Variants in PYGO1 observed in about 807,000 individuals in gnomAD.
The protein encoded by PYGO1 is pygopus family PHD finger 1, also known as pygopus homolog 1.
Under a neutral mutation model 29.5 loss-of-function variants are expected in PYGO1, and 6 were observed. The ratio of observed to expected loss-of-function variants is 0.20; its 90% confidence interval spans 0.11 to 0.40. The LOEUF is 0.40. PYGO1 is among the 10% of genes least tolerant of loss of function. PYGO1 has a pLI of 1.00. For missense variants in PYGO1, 515 were observed against 514.9 expected (o/e 1.00, Z 0.00); for synonymous variants, 186 against 180.5 (o/e 1.03, Z -0.24).
At chr15:55,586,383 G>A (rs750475113) in intron 1 of PYGO1, among the ~76,000 whole-genome samples, 1 of 152,160 alleles carries the variant, frequency 6.6e-6, no homozygotes, top group Admixed American at 6.6e-5. Context: ...TTTTCTCAGA[G>A]TAAAAGCCAA....
intron 1 of PYGO1, among the ~76,000 whole-genome samples, chr15:55,584,722 T>TA (rs2059039583): frequency 1.3e-5 from 2 of 152,210 alleles, no homozygotes; most frequent in Non-Finnish European, 2.9e-5. Context: ...CCTGTCCTCA[T>TA]AGATCTGTCT....
At chr15:55,574,257 AC>A (rs113610064) in intron 1 of PYGO1, among the ~76,000 whole-genome samples, 84 of 152,356 alleles carry the variant, frequency 5.5e-4, no homozygotes, top group African/African-American at 1.9e-3. Flanking sequence ...GATACTTGCA[AC>A]ATTTGACCTC....
At chr15:55,577,436 T>A (rs905330438) in intron 1 of PYGO1, among the ~76,000 whole-genome samples, 4 of 152,134 alleles carry the variant, frequency 2.6e-5, no homozygotes, top group African/African-American at 4.8e-5. Flanking sequence ...ATGCTTAACC[T>A]TGGCAAAATA....
At position 55,540,136 on chromosome 15, in the gene PYGO1, A is replaced by G. The variant is rs2058822918; in HGVS notation, c.*5887T>C. The G allele has an allele frequency of 6.6e-6, 1 of 152,122 alleles. No individual in the cohort carries two copies. The highest frequency in any genetic ancestry group is 1.5e-5 in the Non-Finnish European group (1 of 67,942). The allele number at this position is 152,122 out of a possible 1,614,324, so 9.4% of individuals were successfully genotyped here. On this transcript the variant is annotated 3_prime_UTR_variant, in exon 3 of 3. Coordinates refer to ENST00000563719, the MANE Select transcript of PYGO1 (RefSeq NM_001367806.1). ...GCTTAAAAATTTGCCTTCAAGATGAAACATTTTTCTTTAAAATCGTGATTA... is the reference window on the plus strand; with the variant it reads ...GCTTAAAAATTTGCCTTCAAGATGAGACATTTTTCTTTAAAATCGTGATTA...
chr15:55,579,515 ATTC>A (rs2059017343), intron 1 of PYGO1, among the ~76,000 whole-genome samples: 1 of 152,028 alleles, frequency 6.6e-6, no homozygotes, highest in South Asian at 2.1e-4. Context: ...TACTCATAAA[ATTC>A]TTTTTTATTT....
In PYGO1 at chr15:55,541,925, C is replaced by T. The variant is rs959222371; in HGVS notation, c.*4098G>A. The T allele has an allele frequency of 5.9e-5, 9 of 152,244 alleles. No individual in the cohort carries two copies. The highest frequency in any genetic ancestry group is 6.8e-3 in the Middle Eastern group (2 of 294). 9.4% of individuals were successfully genotyped at this position (152,244 alleles called of 1,614,324 possible). ...TAACTAGATTATGGTCTAAATGAGC[C>T]TTTAGGAGCTTCCCTATTGTGTAGA... On this transcript the variant is annotated 3_prime_UTR_variant, in exon 3 of 3. Coordinates refer to ENST00000563719, the MANE Select transcript of PYGO1 (RefSeq NM_001367806.1).
chr15:55,562,512 A>C (rs1171856783), intron 1 of PYGO1, among the ~76,000 whole-genome samples: 1 of 152,066 alleles, frequency 6.6e-6, no homozygotes, highest in Non-Finnish European at 1.5e-5. Flanking sequence ...TCTTTACAAA[A>C]ATACAAAAAT....
rs2059056965 is a variant in PYGO1 at position 55,588,049 on chromosome 15, G to A, written c.-166C>T. ...GACGCGGGCCGACTTTGCAAAGTTT[G>A]GGAGGAGGACGAGGCCTCGGGGCGG... On this transcript the variant is annotated 5_prime_UTR_variant, in exon 1 of 3. Coordinates refer to ENST00000563719, the MANE Select transcript of PYGO1 (RefSeq NM_001367806.1). 1 of 1,187,618 alleles carries A rather than the reference G, an allele frequency of 8.4e-7. No individual in the cohort carries two copies. The highest frequency in any genetic ancestry group is 1.0e-6 in the Non-Finnish European group (1 of 958,056). The allele number at this position is 1,187,618 out of a possible 1,614,324, so 73.6% of individuals were successfully genotyped here.
chr15:55,586,166 T>G (rs1183234510), intron 1 of PYGO1, among the ~76,000 whole-genome samples: 5 of 152,192 alleles, frequency 3.3e-5, no homozygotes, highest in African/African-American at 4.8e-5. Context: ...CTACATCACT[T>G]AAGTCAGCCG....
Position 55,568,320 on chromosome 15 carries a change from CTGTG to C in PYGO1, c.50-19329_50-19326del, listed in dbSNP as rs58177433. Among the ~76,000 whole-genome samples the C allele has an allele frequency of 3.7e-3, 464 of 125,902 alleles. 1 individual carries two copies. Among genetic ancestry groups the C allele is most frequent in the South Asian group, 7.3e-3 (24 of 3,284 alleles). The allele number at this position is 125,902 out of a possible 152,430, so 82.6% of individuals were successfully genotyped here. Reference sequence around the variant, plus strand: ...ATGGTTAAGACGTATTTCCTAGGTACTGTGTGTGTGTGTGTGTGTGTGTGTGTGT... The same window carrying C: ...ATGGTTAAGACGTATTTCCTAGGTACTGTGTGTGTGTGTGTGTGTGTGTGT... On this transcript the variant is annotated intron_variant, in intron 1 of 2. Coordinates refer to ENST00000563719, the MANE Select transcript of PYGO1 (RefSeq NM_001367806.1).
chr15:55,579,023 T>TATATA (rs1320734539), intron 1 of PYGO1, among the ~76,000 whole-genome samples: 4 of 152,228 alleles, frequency 2.6e-5, no homozygotes, highest in Non-Finnish European at 5.9e-5. Flanking sequence ...TATATTTTAA[T>TATATA]TTTAATTTGA....
rs1222875697 is a variant in PYGO1 at position 55,539,061 on chromosome 15, T to C, written c.*6962A>G. ...ACAACGCACAAATAACATTAAGCAT[T>C]ATCCCTGAAAAGAATGGCCAACAAT... On this transcript the variant is annotated 3_prime_UTR_variant, in exon 3 of 3. Transcript: ENST00000563719. 1 of 152,186 alleles carries C rather than the reference T, an allele frequency of 6.6e-6. No homozygotes were observed. Among genetic ancestry groups the C allele is most frequent in the Non-Finnish European group, 1.5e-5 (1 of 68,038 alleles). The allele number at this position is 152,186 out of a possible 1,614,324, so 9.4% of individuals were successfully genotyped here.
At chr15:55,550,227 G>C (rs2058873035) in intron 1 of PYGO1, among the ~76,000 whole-genome samples, 1 of 152,090 alleles carries the variant, frequency 6.6e-6, no homozygotes, top group Non-Finnish European at 1.5e-5. Context: ...AACTGAACCA[G>C]GCTGATTATT....
intron 1 of PYGO1, among the ~76,000 whole-genome samples, chr15:55,570,524 TA>T (rs11409320): frequency 0.1 from 15,297 of 148,894 alleles, 1,485 homozygotes; most frequent in African/African-American, 0.25. Flanking sequence ...TTTCATATAC[TA>T]AAAAAAAAAA....
intron 1 of PYGO1, among the ~76,000 whole-genome samples, chr15:55,565,658 T>C (rs1241047109): frequency 6.6e-6 from 1 of 152,040 alleles, no homozygotes; most frequent in East Asian, 1.9e-4. Flanking sequence ...GTGCTTGCAG[T>C]GAGCCAAGAT....
intron 1 of PYGO1, among the ~76,000 whole-genome samples, chr15:55,563,892 A>AAAGAC (rs2058943936): frequency 6.6e-6 from 1 of 152,238 alleles, no homozygotes; most frequent in African/African-American, 2.4e-5. Context: ...CTGTAATCAA[A>AAAGAC]AAGACAAATA....
At chr15:55,573,175 A>G (rs1473771981) in intron 1 of PYGO1, among the ~76,000 whole-genome samples, 4 of 152,094 alleles carry the variant, frequency 2.6e-5, no homozygotes, top group Admixed American at 6.5e-5. Flanking sequence ...GCGTGGTAGC[A>G]GGCACCTGCA....
rs774574545 is a variant in PYGO1, at chr15:55,548,961, T to G, written c.84A>C (p.Pro28=). ...TATCTGGGCTTCCTAGTTGTACACC[T>G]GGTCCTCCTAACCCATCCAGTCCAC... ...GDSGLDGLGG[P]GVQLGSPDKK... Residue 28 remains proline (P), a synonymous_variant, in exon 2 of 3, where the codon CCA becomes CCC. Transcript: ENST00000563719. The G allele has an allele frequency of 1.2e-5, 20 of 1,612,684 alleles. No homozygotes were observed. The South Asian group carries it at 2.1e-4, about 17-fold the overall frequency.
chr15:55,561,726 AAATG>A (rs1455793471), intron 1 of PYGO1, among the ~76,000 whole-genome samples: 1 of 152,244 alleles, frequency 6.6e-6, no homozygotes, highest in Admixed American at 6.5e-5. Context: ...ATTAAGACTT[AAATG>A]TAAAACCTAA....
Sources: gnomAD v4.1 joint callset for allele counts (sites outside exome capture counted in the v4.1 genomes callset) on GRCh38, gnomAD v4.1.1 for gene constraint, MANE v1.5 for transcripts, NCBI Gene and HGNC (gene_info 2026-07-23, HGNC 2026-07-21) for gene names.